Variants in EFCAB13 observed in about 807,000 individuals in gnomAD.
The protein encoded by EFCAB13 is EF-hand calcium binding domain 13.
EFCAB13 carries 91 observed loss-of-function variants against 110.2 expected under a neutral mutation model. That is an observed-to-expected ratio of 0.83 (90% CI 0.70 to 0.98). The LOEUF is 0.98. EFCAB13 is among the 50% of genes least tolerant of loss of function. EFCAB13 has a pLI of 0.00. For synonymous variants in EFCAB13, 323 were observed against 369.9 expected, an observed-to-expected ratio of 0.87 and a Z score of 1.45; for missense variants, 968 against 1,119.4, an observed-to-expected ratio of 0.86 and a Z score of 1.93.
chr17:47,430,664 G>A (rs1325754041), intron 24 of EFCAB13: 3 of 152,072 alleles, frequency 2.0e-5, no homozygotes, highest in Non-Finnish European at 4.4e-5. Context: ...CATTAGATCT[G>A]CCTTTTCAAA....
chr17:47,356,579 T>A (rs910844577), intron 9 of EFCAB13, among the ~76,000 whole-genome samples: 6 of 152,204 alleles, frequency 3.9e-5, no homozygotes, highest in Admixed American at 1.3e-4. Context: ...TATTCCATCT[T>A]CAGGTCTCTC....
chr17:47,364,112 T>C (rs1451799052), intron 10 of EFCAB13, among the ~76,000 whole-genome samples: 3 of 152,146 alleles, frequency 2.0e-5, no homozygotes, highest in African/African-American at 7.2e-5. Flanking sequence ...TTTTATAGAA[T>C]TGTTATAGGA....
Position 47,334,876 on chromosome 17 carries a change from C to T in EFCAB13, c.31-320C>T, listed in dbSNP as rs928597170. Among the ~76,000 whole-genome samples the T allele has an allele frequency of 9.2e-5, 14 of 152,180 alleles. No homozygotes were observed. The East Asian group carries it at 2.5e-3, about 27-fold the overall frequency. On this transcript the variant is annotated intron_variant, in intron 4 of 24. Coordinates refer to ENST00000331493, the MANE Select transcript of EFCAB13 (RefSeq NM_152347.5). ...GCTGCAGTGAGCCATGATTGCACCA[C>T]GGACTCCACCCTAGGCAACAAAAAG... is the stretch of plus-strand genomic sequence containing the variant.
intron 10 of EFCAB13, among the ~76,000 whole-genome samples, chr17:47,368,474 A>G (rs1245156251): frequency 6.6e-6 from 1 of 152,182 alleles, no homozygotes; most frequent in African/African-American, 2.4e-5. Flanking sequence ...TGCCGAGTGG[A>G]TGGATTTTAC....
rs1024988496 is a variant in EFCAB13, at chr17:47,407,462, T to C, written c.2234-2185T>C. The stretch of plus-strand genomic sequence containing the variant: ...GATCTCAAAGAGGCCATCAATTTTA[T>C]TGTTATGCTCAAAAGACTTAGATCC... On this transcript the variant is annotated intron_variant, in intron 20 of 24. Coordinates refer to ENST00000331493, the MANE Select transcript of EFCAB13 (RefSeq NM_152347.5). Among the ~76,000 whole-genome samples, 4 of 68,540 alleles carry C rather than the reference T, an allele frequency of 5.8e-5. 1 individual carries two copies. The highest frequency in any genetic ancestry group is 2.4e-4 in the African/African-American group (4 of 16,722). The allele number at this position is 68,540 out of a possible 152,430, so 45.0% of individuals were successfully genotyped here.
Position 47,390,930 on chromosome 17 carries a change from GTCTA to G in EFCAB13, c.1583-492_1583-489del, listed in dbSNP as rs947696360. Among the ~76,000 whole-genome samples the G allele has an allele frequency of 1.2e-4, 18 of 151,204 alleles. No homozygotes were observed. The East Asian group carries it at 2.5e-3, about 21-fold the overall frequency. ...TGTCTGTCTGTCTATCTATCTATCT[GTCTA>G]TCTATCTATCTATCATATATTTTTT... On this transcript the variant is annotated intron_variant, in intron 14 of 24. Transcript: ENST00000331493.
intron 14 of EFCAB13, among the ~76,000 whole-genome samples, chr17:47,380,880 CTTTT>C (rs751480738): frequency 8.1e-6 from 1 of 122,902 alleles, no homozygotes. Flanking sequence ...ATTGCTTCTT[CTTTT>C]TTTTTTTTTT....
At chr17:47,337,380 G>A (rs769207186) in intron 5 of EFCAB13, among the ~76,000 whole-genome samples, 39 of 152,144 alleles carry the variant, frequency 2.6e-4, no homozygotes, top group Non-Finnish European at 4.6e-4. Context: ...AGGAGGAGGG[G>A]TGAGGGTTGA....
intron 6 of EFCAB13, among the ~76,000 whole-genome samples, chr17:47,343,219 G>T (rs1043338129): frequency 6.6e-6 from 1 of 152,026 alleles, no homozygotes; most frequent in African/African-American, 2.4e-5. Context: ...TTTTTAAAAA[G>T]AAAATTTGCT....
chr17:47,351,316 C>T (rs62074459), intron 9 of EFCAB13, among the ~76,000 whole-genome samples: 59,947 of 110,350 alleles, frequency 0.54, 13,174 homozygotes, highest in African/African-American at 0.62. Flanking sequence ...CGCGCGCGCG[C>T]GCGCGCGCGC....
At position 47,440,675 on chromosome 17, in the gene EFCAB13, G is replaced by A. The variant is rs765415178; in HGVS notation, c.2883G>A (p.Lys961=). 1.7e-5 allele frequency: 27 copies of A among 1,596,770 alleles called. No homozygotes were observed. Among genetic ancestry groups the A allele is most frequent in the Non-Finnish European group, 2.0e-5 (23 of 1,174,352 alleles). The part of the protein sequence containing the change: ...ISLHNFCLNS[K]ANIAKLNPNS... ...TACATAACTTCTGTTTGAATTCTAA[G>A]GCAAATATTGCTAAGCTTAACCCAA... The change falls in exon 25 of 25, where the codon AAG becomes AAA. Residue 961 remains lysine, a synonymous_variant. Transcript: ENST00000331493.
chr17:47,360,424 C>G (rs1202295345), intron 9 of EFCAB13, among the ~76,000 whole-genome samples: 2 of 152,122 alleles, frequency 1.3e-5, no homozygotes, highest in Admixed American at 1.3e-4. Flanking sequence ...TAAATGTCTT[C>G]TTTTGAGAAG....
Position 47,347,805 on chromosome 17 carries a change from C to T in EFCAB13, c.518-3C>T. The T allele has an allele frequency of 6.8e-7, 1 of 1,469,988 alleles. No homozygotes were observed. The highest frequency in any genetic ancestry group is 1.6e-5 in the South Asian group (1 of 63,428). The allele number at this position is 1,469,988 out of a possible 1,614,324, so 91.1% of individuals were successfully genotyped here. On this transcript the variant is annotated splice_region_variant and splice_polypyrimidine_tract_variant and intron_variant, in intron 8 of 24. Coordinates refer to ENST00000331493, the MANE Select transcript of EFCAB13 (RefSeq NM_152347.5). The stretch of plus-strand genomic sequence containing the variant: ...AACTAAATGTTTTGTTATGTGTGTG[C>T]AGCACTTCATAAAGCCTGTAAAATT...
intron 5 of EFCAB13, among the ~76,000 whole-genome samples, chr17:47,337,266 A>G (rs2065356537): frequency 6.6e-6 from 1 of 152,250 alleles, no homozygotes; most frequent in South Asian, 2.1e-4. Flanking sequence ...CACATGCCTC[A>G]AAAGAATGGG....
In EFCAB13 at chr17:47,374,682, C is replaced by A; in HGVS notation, c.1088C>A (p.Thr363Asn). The change falls in exon 12 of 25, where the codon ACT becomes AAT. Residue 363 changes from threonine to asparagine, a missense_variant. By Grantham distance (65) the Thr-to-Asn change is moderately conservative. Transcript: ENST00000331493. Reference protein sequence around the residue: ...DDLESKRPKNTWQIRKFLGGV... With the variant: ...DDLESKRPKNNWQIRKFLGGV... The stretch of plus-strand genomic sequence containing the variant: ...CTTGAATCTAAAAGACCAAAAAATA[C>A]TTGGCAAATAAGAAAATTTCTGGGT... 1.2e-6 allele frequency: 2 copies of A among 1,612,224 alleles called. No individual in the cohort carries two copies. The highest frequency in any genetic ancestry group is 1.7e-6 in the Non-Finnish European group (2 of 1,179,542).
intron 15 of EFCAB13, 85 bp downstream of exon 15, chr17:47,391,665 A>G: frequency 8.2e-7 from 1 of 1,221,884 alleles, no homozygotes; most frequent in Non-Finnish European, 1.1e-6. Context: ...AAAATGACTA[A>G]TTTTTTTATT....
chr17:47,325,767 C>A (rs745617174), intron 2 of EFCAB13, among the ~76,000 whole-genome samples: 1 of 151,576 alleles, frequency 6.6e-6, no homozygotes, highest in African/African-American at 2.4e-5. Context: ...GCATCTCTTC[C>A]CCTATACTAC....
intron 9 of EFCAB13, among the ~76,000 whole-genome samples, chr17:47,361,148 C>T (rs1300638204): frequency 6.6e-6 from 1 of 151,982 alleles, no homozygotes. Context: ...ATTTTATGTG[C>T]TAAGGATTGT....
chr17:47,361,675 A>G (rs1281068419), intron 10 of EFCAB13, among the ~76,000 whole-genome samples, 154 bp downstream of exon 10: 1 of 152,132 alleles, frequency 6.6e-6, no homozygotes, highest in African/African-American at 2.4e-5. Context: ...TGGTGTCTAT[A>G]GTAAGAAATA....
Sources: allele counts gnomAD v4.1 joint callset (sites outside exome capture counted in the v4.1 genomes callset), GRCh38; gene constraint gnomAD v4.1.1; transcripts MANE v1.5; gene names NCBI Gene and HGNC (gene_info 2026-07-23, HGNC 2026-07-21).